ANO3: variants seen among roughly 807,000 people sequenced by gnomAD.
The protein encoded by ANO3 is anoctamin 3, also known as anoctamin-3.
ANO3 carries 99 observed loss-of-function variants against 144.8 expected under a neutral mutation model. The observed-to-expected ratio is 0.68, with a 90% CI of 0.58 to 0.81. The LOEUF is 0.81. Ranked by LOEUF, ANO3 falls within the 30% of genes least tolerant of loss-of-function variation. The pLI is 0.00. For synonymous variants in ANO3, 414 were observed against 392.6 expected, an observed-to-expected ratio of 1.05 and a Z score of -0.64; for missense variants, 905 against 1,202.2, an observed-to-expected ratio of 0.75 and a Z score of 3.66.
chr11:26,239,198 G>T (rs1180577862), intron 1 of ANO3, among the ~76,000 whole-genome samples: 1 of 151,766 alleles, frequency 6.6e-6, no homozygotes, highest in Non-Finnish European at 1.5e-5. Context: ...ATAATGCATT[G>T]CTTCTTTAGG....
At chr11:26,635,795 C>A (rs940906285) in intron 20 of ANO3, among the ~76,000 whole-genome samples, 1 of 152,126 alleles carries the variant, frequency 6.6e-6, no homozygotes, top group Non-Finnish European at 1.5e-5. Flanking sequence ...TAAAACATAA[C>A]AAATATTTTA....
At chr11:26,617,068 G>A (rs1852283671) in intron 17 of ANO3, among the ~76,000 whole-genome samples, 2 of 152,162 alleles carry the variant, frequency 1.3e-5, no homozygotes, top group African/African-American at 4.8e-5. Flanking sequence ...ACCGTGCCCG[G>A]CCCAAAATAT....
At chr11:26,547,864 A>G (rs1487331644) in intron 12 of ANO3, among the ~76,000 whole-genome samples, 1 of 151,948 alleles carries the variant, frequency 6.6e-6, no homozygotes, top group Non-Finnish European at 1.5e-5. Context: ...AGCATTTGTT[A>G]GTCTAGAATG....
At chr11:26,467,184 A>G (rs1345752706) in intron 4 of ANO3, among the ~76,000 whole-genome samples, 2 of 151,972 alleles carry the variant, frequency 1.3e-5, no homozygotes, top group Non-Finnish European at 2.9e-5. Flanking sequence ...GAGTAAATGT[A>G]TATATTTATG....
intron 1 of ANO3, among the ~76,000 whole-genome samples, chr11:26,388,283 G>A (rs1025186861): frequency 4.0e-5 from 6 of 151,302 alleles, no homozygotes; most frequent in African/African-American, 7.3e-5. Context: ...AATAACTAGC[G>A]TTTTATTAGG....
At chr11:26,641,698 TA>T (rs976332006) in intron 21 of ANO3, among the ~76,000 whole-genome samples, 197 bp from the exon 22 acceptor site, 2 of 152,164 alleles carry the variant, frequency 1.3e-5, no homozygotes, top group African/African-American at 4.8e-5. Flanking sequence ...TCAAAAGATT[TA>T]AAAAAAATTT....
chr11:26,476,860 A>G (rs1309269501), intron 4 of ANO3, among the ~76,000 whole-genome samples: 2 of 151,716 alleles, frequency 1.3e-5, no homozygotes, highest in African/African-American at 4.8e-5. Context: ...GTCAAAGTCA[A>G]AAAAGCAGGC....
At chr11:26,606,655 T>G (rs930865308) in intron 17 of ANO3, among the ~76,000 whole-genome samples, 1 of 152,126 alleles carries the variant, frequency 6.6e-6, no homozygotes, top group Non-Finnish European at 1.5e-5. Flanking sequence ...TTTGAGCCTG[T>G]GTGTGTCCTT....
At chr11:26,411,983 G>A (rs996050257) in intron 1 of ANO3, among the ~76,000 whole-genome samples, 1 of 151,936 alleles carries the variant, frequency 6.6e-6, no homozygotes, top group East Asian at 1.9e-4. Context: ...TGAAGGAGCT[G>A]GAGGCTGTAG....
chr11:26,564,116 AT>A (rs774069684), intron 14 of ANO3, among the ~76,000 whole-genome samples: 2 of 151,170 alleles, frequency 1.3e-5, no homozygotes, highest in African/African-American at 2.4e-5. Context: ...AGCTAACTAA[AT>A]TTTTTTTTAC....
At chr11:26,226,879 C>A (rs1398607707) in intron 1 of ANO3, among the ~76,000 whole-genome samples, 2 of 152,100 alleles carry the variant, frequency 1.3e-5, no homozygotes, top group Non-Finnish European at 2.9e-5. Context: ...CACCATCATC[C>A]ATTTCCAGAG....
intron 4 of ANO3, among the ~76,000 whole-genome samples, chr11:26,490,407 A>C (rs758606689): frequency 4.6e-5 from 7 of 152,196 alleles, no homozygotes; most frequent in Non-Finnish European, 7.3e-5. Context: ...GCACATTATT[A>C]TAAACTCTAG....
chr11:26,453,926 T>A (rs889374580), intron 3 of ANO3, among the ~76,000 whole-genome samples: 21 of 151,930 alleles, frequency 1.4e-4, no homozygotes, highest in Admixed American at 7.9e-4. Flanking sequence ...AGAAACTCAC[T>A]CAAAACCGCT....
intron 1 of ANO3, among the ~76,000 whole-genome samples, chr11:26,194,619 G>T (rs142108391): frequency 6.6e-6 from 1 of 151,952 alleles, no homozygotes; most frequent in Admixed American, 6.6e-5. Context: ...TCCTGCCTCA[G>T]CCTCCCGAGT....
chr11:26,397,518 C>A (rs1857046000), intron 1 of ANO3, among the ~76,000 whole-genome samples: 2 of 152,016 alleles, frequency 1.3e-5, no homozygotes, highest in South Asian at 2.1e-4. Context: ...AAGGAAACAT[C>A]TTTGAAAGAA....
chr11:26,343,954 CA>C (rs762106938), intron 1 of ANO3, among the ~76,000 whole-genome samples: 8 of 152,158 alleles, frequency 5.3e-5, no homozygotes, highest in Non-Finnish European at 1.0e-4. Flanking sequence ...TACAAAAGCT[CA>C]ATTAAGTAAA....
chr11:26,617,136 G>T (rs1159504808), intron 17 of ANO3, among the ~76,000 whole-genome samples: 1 of 152,094 alleles, frequency 6.6e-6, no homozygotes, highest in African/African-American at 2.4e-5. Flanking sequence ...TGTCACTGTT[G>T]TACCAGACTC....
intron 6 of ANO3, among the ~76,000 whole-genome samples, chr11:26,520,048 C>A (rs1457042206): frequency 6.6e-6 from 1 of 152,116 alleles, no homozygotes; most frequent in Admixed American, 6.5e-5. Flanking sequence ...TTCAAATAAA[C>A]TTCAAGGAAC....
At chr11:26,341,547 A>G (rs1292621996) in intron 1 of ANO3, among the ~76,000 whole-genome samples, 1 of 152,170 alleles carries the variant, frequency 6.6e-6, no homozygotes, top group Non-Finnish European at 1.5e-5. Flanking sequence ...AGAAATTTCT[A>G]TTACTTCATT....
Sources: allele counts gnomAD v4.1 joint callset (sites outside exome capture counted in the v4.1 genomes callset), GRCh38; gene constraint gnomAD v4.1.1; transcripts MANE v1.5; gene names NCBI Gene and HGNC (gene_info 2026-07-23, HGNC 2026-07-21).